SRPK1: variants seen among roughly 807,000 people sequenced by gnomAD.
SRPK1 encodes SRSF protein kinase 1.
SRPK1 carries 52 observed loss-of-function variants against 89.5 expected under a neutral mutation model. The observed-to-expected ratio is 0.58, with a 90% CI of 0.46 to 0.73. SRPK1 has a LOEUF of 0.73. SRPK1 is among the 30% of genes least tolerant of loss of function. SRPK1 has a pLI of 0.00. For missense variants in SRPK1, 603 were observed against 780.6 expected (o/e 0.77, Z 2.71); for synonymous variants, 255 against 270.2 (o/e 0.94, Z 0.55).
At chr6:35,852,042 T>C (rs1055998903) in intron 13 of SRPK1, among the ~76,000 whole-genome samples, 1 of 152,190 alleles carries the variant, frequency 6.6e-6, no homozygotes, top group African/African-American at 2.4e-5. Flanking sequence ...TAGGGCACCC[T>C]GGCTGGTGAA....
chr6:35,913,079 C>CT (rs1383666838), intron 2 of SRPK1, among the ~76,000 whole-genome samples: 9 of 152,208 alleles, frequency 5.9e-5, no homozygotes, highest in Non-Finnish European at 1.3e-4. Flanking sequence ...GCCTTTTTCA[C>CT]TTTTAGTAAG....
chr6:35,889,359 C>T (rs996970118), intron 3 of SRPK1, among the ~76,000 whole-genome samples: 5 of 150,146 alleles, frequency 3.3e-5, no homozygotes, highest in Non-Finnish European at 7.4e-5. Flanking sequence ...AAAAACAAAA[C>T]AAAACAGCCC....
chr6:35,883,564 A>G (rs1161098401), intron 6 of SRPK1, among the ~76,000 whole-genome samples: 1 of 152,188 alleles, frequency 6.6e-6, no homozygotes, highest in East Asian at 1.9e-4. Context: ...TTACAATTTG[A>G]AAATGTTTTA....
intron 13 of SRPK1, among the ~76,000 whole-genome samples, chr6:35,851,117 G>A (rs529310906): frequency 5.3e-5 from 8 of 152,210 alleles, no homozygotes; most frequent in African/African-American, 1.7e-4. Context: ...ATCCATTTGC[G>A]AAATGATGAT....
intron 13 of SRPK1, among the ~76,000 whole-genome samples, chr6:35,845,712 G>A (rs928359698): frequency 6.6e-6 from 1 of 152,170 alleles, no homozygotes; most frequent in African/African-American, 2.4e-5. Context: ...AGAAAATGAG[G>A]AGTTTCAGGT....
chr6:35,911,719 C>A (rs1398136603), intron 2 of SRPK1, among the ~76,000 whole-genome samples: 2 of 151,838 alleles, frequency 1.3e-5, no homozygotes, highest in African/African-American at 2.4e-5. Flanking sequence ...GTGCATGCCA[C>A]CACACCCAGC....
chr6:35,915,419 A>G (rs905138548), intron 2 of SRPK1, among the ~76,000 whole-genome samples: 8 of 151,660 alleles, frequency 5.3e-5, no homozygotes, highest in Non-Finnish European at 8.8e-5. Context: ...AAAAAAAAAA[A>G]AAAAAGAAAA....
intron 6 of SRPK1, among the ~76,000 whole-genome samples, chr6:35,886,201 C>T (rs1007701597): frequency 2.0e-5 from 3 of 151,862 alleles, no homozygotes; most frequent in Non-Finnish European, 4.4e-5. Flanking sequence ...CAGCCTCAGC[C>T]TCTCCAGTAG....
chr6:35,900,487 T>G (rs190562290), intron 2 of SRPK1, among the ~76,000 whole-genome samples: 344 of 152,324 alleles, frequency 2.3e-3, no homozygotes, highest in African/African-American at 7.7e-3. Context: ...CTGCCTTCAC[T>G]GTGTTTACAT....
rs369464528 is a variant in SRPK1 at position 35,853,175 on chromosome 6, G to A, written c.1620+4086C>T. The stretch of plus-strand genomic sequence containing the variant: ...CGGGGGGAAGGGGCAGGGCACTGAG[G>A]TGGGAGGATCCCTTGAACCCAGGAG... On this transcript the variant is annotated intron_variant, in intron 13 of 15. Transcript: ENST00000373825. Among the ~76,000 whole-genome samples, 11 of 152,216 alleles carry A rather than the reference G, an allele frequency of 7.2e-5. 1 individual carries two copies. The South Asian group carries it at 2.3e-3, about 32-fold the overall frequency.
chr6:35,897,573 G>A (rs1313617889), intron 2 of SRPK1, among the ~76,000 whole-genome samples: 1 of 152,168 alleles, frequency 6.6e-6, no homozygotes, highest in African/African-American at 2.4e-5. Context: ...GCAGTGCAGT[G>A]GTGCTATCAC....
chr6:35,859,890 G>A (rs1328034632), intron 12 of SRPK1, among the ~76,000 whole-genome samples: 2 of 149,200 alleles, frequency 1.3e-5, no homozygotes, highest in African/African-American at 2.5e-5. Context: ...ATGGAGTCTC[G>A]CTCTGTCACC....
chr6:35,844,553 G>A (rs1360953273), intron 13 of SRPK1, among the ~76,000 whole-genome samples: 1 of 152,150 alleles, frequency 6.6e-6, no homozygotes, highest in Non-Finnish European at 1.5e-5. Flanking sequence ...ACCGTCCAGA[G>A]GGAGACCACA....
intron 14 of SRPK1, among the ~76,000 whole-genome samples, chr6:35,840,545 T>C (rs534684436): frequency 6.6e-6 from 1 of 152,346 alleles, no homozygotes; most frequent in South Asian, 2.1e-4. Flanking sequence ...TATTGGTCCT[T>C]TAAATATTTT....
intron 1 of SRPK1, chr6:35,920,758 G>A: frequency 3.9e-6 from 1 of 257,578 alleles, no homozygotes; most frequent in South Asian, 1.5e-4. Flanking sequence ...GCGGGCGGGT[G>A]GGGGTCTGCG....
At chr6:35,838,032 C>T (rs1205300369) in intron 15 of SRPK1, among the ~76,000 whole-genome samples, 1 of 152,016 alleles carries the variant, frequency 6.6e-6, no homozygotes, top group African/African-American at 2.4e-5. Context: ...CTCTTCCCAG[C>T]TAATTTTTTG....
intron 4 of SRPK1, among the ~76,000 whole-genome samples, chr6:35,888,569 G>T (rs536195289): frequency 6.6e-6 from 1 of 152,156 alleles, no homozygotes; most frequent in African/African-American, 2.4e-5. Context: ...AAAATCAAAC[G>T]ACAAAAGCTT....
rs183498975 is a variant in SRPK1, at chr6:35,865,298, C to G, written c.1512+3712G>C. Among the ~76,000 whole-genome samples, 1,115 of 151,926 alleles carry G rather than the reference C, an allele frequency of 7.3e-3. 14 individuals are homozygous for G. The highest frequency in any genetic ancestry group is 0.014 in the Middle Eastern group (4 of 294). ...CTGTATCAAAACATCTCAGATACCCCACGAATACATACACCTACTATGTAC... is the reference window on the plus strand; with the variant it reads ...CTGTATCAAAACATCTCAGATACCCGACGAATACATACACCTACTATGTAC... On this transcript the variant is annotated intron_variant, in intron 12 of 15. Coordinates refer to ENST00000373825, the MANE Select transcript of SRPK1 (RefSeq NM_003137.5).
intron 13 of SRPK1, among the ~76,000 whole-genome samples, chr6:35,843,447 G>C (rs1021438663): frequency 1.3e-5 from 2 of 152,036 alleles, no homozygotes; most frequent in African/African-American, 4.8e-5. Context: ...GGAAGTTCCT[G>C]ATTCCTAGGT....
Sources: gnomAD v4.1 joint callset for allele counts (sites outside exome capture counted in the v4.1 genomes callset) on GRCh38, gnomAD v4.1.1 for gene constraint, MANE v1.5 for transcripts, NCBI Gene and HGNC (gene_info 2026-07-23, HGNC 2026-07-21) for gene names.